FABP12: variants seen among roughly 807,000 people sequenced by gnomAD.
The protein encoded by FABP12 is fatty acid binding protein 12, also known as fatty acid-binding protein 12.
A neutral mutation model predicts 13.7 loss-of-function variants in FABP12; 19 were observed. That is an observed-to-expected ratio of 1.39 (90% CI 0.97 to 2.04). FABP12 has a LOEUF of 2.04. Ranked by LOEUF, FABP12 falls within the 30% of genes most tolerant of loss-of-function variation. FABP12 has a pLI of 0.00. For missense variants in FABP12, 182 were observed against 164.2 expected (o/e 1.11, Z -0.59); for synonymous variants, 61 against 57.0 (o/e 1.07, Z -0.32).
chr8:81,588,151 A>G (rs561039700), intron 1 of FABP12, among the ~76,000 whole-genome samples: 2 of 152,210 alleles, frequency 1.3e-5, no homozygotes, highest in East Asian at 3.9e-4. Context: ...GCAAATGTTA[A>G]TCTCCTTTGG....
At chr8:81,552,988 A>G (rs1351964848) in intron 1 of FABP12, among the ~76,000 whole-genome samples, 1 of 152,212 alleles carries the variant, frequency 6.6e-6, no homozygotes, top group Non-Finnish European at 1.5e-5. Flanking sequence ...GTGAGAACTC[A>G]GGAGAAAGTT....
chr8:81,581,943 CA>C (rs1563559474), intron 1 of FABP12, among the ~76,000 whole-genome samples: 1 of 151,196 alleles, frequency 6.6e-6, no homozygotes, highest in Non-Finnish European at 1.5e-5. Flanking sequence ...CAAATATTAC[CA>C]ATACAGAAAA....
At chr8:81,587,149 T>A (rs1246573714) in intron 1 of FABP12, among the ~76,000 whole-genome samples, 1 of 152,212 alleles carries the variant, frequency 6.6e-6, no homozygotes, top group African/African-American at 2.4e-5. Context: ...TACATTGGTC[T>A]ATGTGTCTGT....
chr8:81,584,343 C>T (rs1810211225), intron 1 of FABP12, among the ~76,000 whole-genome samples: 1 of 152,202 alleles, frequency 6.6e-6, no homozygotes. Context: ...GCCTCTGCAG[C>T]TCCATCTTCC....
chr8:81,533,363 C>T (rs1204634987), intron 1 of FABP12: 4 of 152,222 alleles, frequency 2.6e-5, no homozygotes, highest in African/African-American at 4.8e-5. Flanking sequence ...ATTTTGCCCA[C>T]TCCTATAGGT....
chr8:81,553,350 C>A (rs898278084), intron 1 of FABP12, among the ~76,000 whole-genome samples: 1 of 152,244 alleles, frequency 6.6e-6, no homozygotes, highest in African/African-American at 2.4e-5. Context: ...TCATTTGCTA[C>A]CTTAAATCTT....
At chr8:81,567,954 T>C (rs1197378850) in intron 1 of FABP12, among the ~76,000 whole-genome samples, 2 of 152,012 alleles carry the variant, frequency 1.3e-5, no homozygotes, top group Non-Finnish European at 2.9e-5. Flanking sequence ...ACCCCGTCTC[T>C]ACTAAAAATA....
At chr8:81,574,087 G>A (rs1000891866) in intron 1 of FABP12, among the ~76,000 whole-genome samples, 7 of 152,088 alleles carry the variant, frequency 4.6e-5, no homozygotes, top group Non-Finnish European at 8.8e-5. Context: ...TTGGCTGTGG[G>A]TTTGTCATAG....
rs144748130 is a variant in FABP12 at position 81,540,934 on chromosome 8, G to A, written c.-184-1191C>T. Among the ~76,000 whole-genome samples, 912 of 152,168 alleles carry A rather than the reference G, an allele frequency of 6.0e-3. 4 individuals are homozygous for A. Among genetic ancestry groups the A allele is most frequent in the Middle Eastern group, 0.01 (3 of 294 alleles). On this transcript the variant is annotated intron_variant, in intron 1 of 5. Coordinates refer to the FABP12 transcript ENST00000692030. ...TGTAATCCCAGCACTTTGGGAGGCC[G>A]AGGCGGGTGGATCACGAGGTCAGGA...
At chr8:81,542,047 G>T (rs2129989761) in intron 1 of FABP12, among the ~76,000 whole-genome samples, 1 of 151,472 alleles carries the variant, frequency 6.6e-6, no homozygotes, top group Middle Eastern at 3.5e-3. Flanking sequence ...TCTAGGGCCA[G>T]ACTTTCTTTA....
rs189120424 is a variant in FABP12 at position 81,540,950 on chromosome 8, G to T, written c.-184-1207C>A. 9.4e-3 allele frequency among the ~76,000 whole-genome samples: 1,428 copies of T among 152,008 alleles called. 8 individuals carry two copies. Among genetic ancestry groups the T allele is most frequent in the Non-Finnish European group, 0.015 (999 of 67,944 alleles). ...TGGGAGGCCGAGGCGGGTGGATCAC[G>T]AGGTCAGGAGTTCAAGACCAGTCTG... On this transcript the variant is annotated intron_variant, in intron 1 of 5. Transcript: ENST00000692030.
At chr8:81,556,192 T>C (rs908454103) in intron 1 of FABP12, among the ~76,000 whole-genome samples, 3 of 152,194 alleles carry the variant, frequency 2.0e-5, no homozygotes, top group Non-Finnish European at 2.9e-5. Flanking sequence ...TGATTAGTGG[T>C]TGGATGGAAA....
At chr8:81,559,718 A>T (rs1809687161) in intron 1 of FABP12, among the ~76,000 whole-genome samples, 1 of 152,202 alleles carries the variant, frequency 6.6e-6, no homozygotes, top group East Asian at 1.9e-4. Flanking sequence ...TGTTCCTAAG[A>T]GTTCAAGAAA....
intron 4 of FABP12, chr8:81,526,170 A>G (rs755103721): frequency 1.3e-5 from 2 of 152,240 alleles, no homozygotes; most frequent in Non-Finnish European, 2.9e-5. Flanking sequence ...CACTGTATTA[A>G]GAAACAAGGT....
At chr8:81,577,810 A>G (rs953334995) in intron 1 of FABP12, among the ~76,000 whole-genome samples, 2 of 152,238 alleles carry the variant, frequency 1.3e-5, no homozygotes, top group Non-Finnish European at 2.9e-5. Context: ...ACAATTTATT[A>G]CAGTTATATT....
intron 2 of FABP12, among the ~76,000 whole-genome samples, chr8:81,539,233 TG>T (rs1436301691): frequency 1.3e-5 from 2 of 152,104 alleles, no homozygotes; most frequent in South Asian, 4.1e-4. Flanking sequence ...TACACAGAAT[TG>T]TTTTTTGTCA....
intron 1 of FABP12, among the ~76,000 whole-genome samples, chr8:81,574,679 G>A (rs1810001737): frequency 6.6e-6 from 1 of 152,000 alleles, no homozygotes; most frequent in South Asian, 2.1e-4. Flanking sequence ...TAAGCTAGGA[G>A]CATTGTATTT....
chr8:81,569,448 G>C (rs1476756611), intron 1 of FABP12, among the ~76,000 whole-genome samples: 1 of 152,166 alleles, frequency 6.6e-6, no homozygotes, highest in Admixed American at 6.5e-5. Context: ...ATGGCATCTA[G>C]AAGAAACAGA....
chr8:81,541,565 C>T (rs1379726367), intron 1 of FABP12, among the ~76,000 whole-genome samples: 1 of 152,124 alleles, frequency 6.6e-6, no homozygotes, highest in Non-Finnish European at 1.5e-5. Flanking sequence ...TGATGAGGCT[C>T]AGACCATATC....
Sources: gnomAD v4.1 joint callset for allele counts (sites outside exome capture counted in the v4.1 genomes callset) on GRCh38, gnomAD v4.1.1 for gene constraint, MANE v1.5 for transcripts, NCBI Gene and HGNC (gene_info 2026-07-23, HGNC 2026-07-21) for gene names.